Variants in ZFYVE9 observed in about 807,000 individuals in gnomAD.
ZFYVE9 encodes the protein zinc finger FYVE-type containing 9, also known as zinc finger FYVE domain-containing protein 9.
In ZFYVE9, 43 loss-of-function variants were observed where a neutral mutation model predicts 126.7. The observed-to-expected ratio is 0.34, with a 90% confidence interval of 0.27 to 0.44. The LOEUF (loss-of-function observed/expected upper bound fraction) is 0.44. Ranked by LOEUF, ZFYVE9 falls within the 20% of genes least tolerant of loss-of-function variation. The pLI, the probability that ZFYVE9 is intolerant of heterozygous loss-of-function variation, is 1.00. For synonymous variants in ZFYVE9, 521 were observed against 597.4 expected (o/e 0.87, Z 1.87); for missense variants, 1,476 against 1,697.0 (o/e 0.87, Z 2.29).
Position 52,332,804 on chromosome 1 carries a change from C to G in ZFYVE9, c.3475C>G (p.Leu1159Val). 6.2e-7 allele frequency: 1 copy of G among 1,614,102 alleles called. No homozygotes were observed. The highest frequency in any genetic ancestry group is 8.5e-7 in the Non-Finnish European group (1 of 1,180,012). ...KAMNKSNEHV[L>V]AGGACFNEKA... ...CATGAACAAGTCCAATGAGCATGTC[C>G]TGGCAGGAGGTGCCTGCTTCAATGA... is the stretch of plus-strand genomic sequence containing the variant. The change falls in exon 14 of 19, where the codon CTG becomes GTG. Residue 1159 changes from leucine to valine, a missense_variant. By Grantham distance (32) the Leu-to-Val change is conservative (BLOSUM62 1). This residue lies in a region of ZFYVE9 where 669 missense variants were observed against 902.4 expected (regional missense o/e 0.74). Coordinates refer to ENST00000287727, the MANE Select transcript of ZFYVE9 (RefSeq NM_004799.4).
In ZFYVE9 at chr1:52,346,324, AT is replaced by A; in HGVS notation, c.*105del. 4.3e-6 allele frequency: 2 copies of A among 470,178 alleles called. No homozygotes were observed. The highest frequency in any genetic ancestry group is 6.9e-6 in the Non-Finnish European group (2 of 291,100). The allele number at this position is 470,178 out of a possible 1,614,324, so 29.1% of individuals were successfully genotyped here. On this transcript the variant is annotated 3_prime_UTR_variant, in exon 19 of 19. Transcript: ENST00000287727. ...GGAAGATTAAGCTTTTGTTAACACT[AT>A]TAATGGGGTGGGGAATAGGGTGGGA...
At chr1:52,154,129 G>A (rs1644380956) in intron 1 of ZFYVE9, among the ~76,000 whole-genome samples, 1 of 152,190 alleles carries the variant, frequency 6.6e-6, no homozygotes, top group African/African-American at 2.4e-5. Flanking sequence ...TGGATTCCAT[G>A]TCTGTTGATT....
chr1:52,241,214 G>A (rs141176560), intron 4 of ZFYVE9, among the ~76,000 whole-genome samples: 1 of 152,224 alleles, frequency 6.6e-6, no homozygotes, highest in East Asian at 1.9e-4. Flanking sequence ...AAAAAAAGGA[G>A]AGGAGGAAAA....
At chr1:52,335,018 T>C (rs896630010) in intron 15 of ZFYVE9, 11 of 327,024 alleles carry the variant, frequency 3.4e-5, no homozygotes, top group Middle Eastern at 1.9e-3. Flanking sequence ...CCTGAGGGCA[T>C]GTAGTCTGAG....
chr1:52,332,889 C>G lies in ZFYVE9; in HGVS notation c.3560C>G (p.Ala1187Gly). Reference protein sequence around the residue: ...QNDDGNYQTQAISIHNQPRKV... With the variant: ...QNDDGNYQTQGISIHNQPRKV... ...GATGATGGAAACTATCAGACCCAGG[C>G]TATCAGTATTCACAATCAGCCCAGA... Residue 1187 changes from alanine to glycine, a missense_variant, in exon 14 of 19, where the codon GCT (alanine) becomes GGT (glycine). Ala to Gly is a moderately conservative substitution (Grantham distance 60). Transcript: ENST00000287727. 7 of 1,614,096 alleles carry G rather than the reference C, an allele frequency of 4.3e-6. No homozygotes were observed. Among genetic ancestry groups the G allele is most frequent in the Non-Finnish European group, 5.1e-6 (6 of 1,180,010 alleles).
chr1:52,303,117 A>T (rs1165395847), intron 12 of ZFYVE9, among the ~76,000 whole-genome samples: 1 of 152,090 alleles, frequency 6.6e-6, no homozygotes, highest in Admixed American at 6.6e-5. Flanking sequence ...CTCAGAATAA[A>T]TAAATAAACT....
chr1:52,285,286 C>CT (rs1645846934), intron 10 of ZFYVE9, among the ~76,000 whole-genome samples: 1 of 152,088 alleles, frequency 6.6e-6, no homozygotes, highest in African/African-American at 2.4e-5. Flanking sequence ...ATATATTTCA[C>CT]TATAAATTTT....
chr1:52,246,571 G>T (rs1166617022), intron 4 of ZFYVE9, among the ~76,000 whole-genome samples: 6 of 137,138 alleles, frequency 4.4e-5, no homozygotes, highest in African/African-American at 1.4e-4. Flanking sequence ...TTGGTCTGTT[G>T]CCCAGGCTGG....
At chr1:52,198,215 G>A (rs1320432386) in intron 1 of ZFYVE9, among the ~76,000 whole-genome samples, 4 of 129,124 alleles carry the variant, frequency 3.1e-5, no homozygotes, top group Admixed American at 2.0e-4. Flanking sequence ...TCTGCCTCCC[G>A]GGTTCAAGCG....
chr1:52,212,640 G>A (rs956083131), intron 1 of ZFYVE9, among the ~76,000 whole-genome samples: 4 of 152,158 alleles, frequency 2.6e-5, no homozygotes, highest in Non-Finnish European at 4.4e-5. Flanking sequence ...TCTTTGCCAT[G>A]GTAGTGTGTT....
intron 3 of ZFYVE9, among the ~76,000 whole-genome samples, chr1:52,237,246 A>G (rs1483123324): frequency 6.6e-6 from 1 of 152,074 alleles, no homozygotes; most frequent in Non-Finnish European, 1.5e-5. Flanking sequence ...CAGTTTAATT[A>G]TGTTACTAGA....
At chr1:52,337,745 C>A (rs374612467) in intron 15 of ZFYVE9, 27 bp from the exon 16 acceptor site, 2 of 1,601,278 alleles carry the variant, frequency 1.2e-6, no homozygotes, top group Non-Finnish European at 1.7e-6. Flanking sequence ...TCATTTGCCT[C>A]TCCTTTGGCT....
intron 13 of ZFYVE9, among the ~76,000 whole-genome samples, chr1:52,330,847 C>CT (rs1466294114): frequency 1.3e-5 from 2 of 152,136 alleles, no homozygotes; most frequent in Non-Finnish European, 2.9e-5. Flanking sequence ...TCAAACAACT[C>CT]TGACAGCACT....
Position 52,266,805 on chromosome 1 carries a change from G to C in ZFYVE9, c.2429G>C (p.Gly810Ala), listed in dbSNP as rs1308649687. 6.2e-7 allele frequency: 1 copy of C among 1,605,748 alleles called. No individual in the cohort carries two copies. Among genetic ancestry groups the C allele is most frequent in the South Asian group, 1.1e-5 (1 of 89,346 alleles). The change falls in exon 6 of 19, where the codon GGA (glycine) becomes GCA (alanine). Residue 810 changes from glycine (G) to alanine (A), a missense_variant. Coordinates refer to ENST00000287727, the MANE Select transcript of ZFYVE9 (RefSeq NM_004799.4). Reference sequence around the variant, plus strand: ...CCTCCCACTGTGATGGTACCTGTGGGAGTTTTAAAGCACCCTGGAGCAGAA... The same window carrying C: ...CCTCCCACTGTGATGGTACCTGTGGCAGTTTTAAAGCACCCTGGAGCAGAA... ...SPPPTVMVPV[G>A]VLKHPGAEVA...
chr1:52,156,103 G>C lies in ZFYVE9; in HGVS notation c.-143+13700G>C, dbSNP rs567985741. On this transcript the variant is annotated intron_variant, in intron 1 of 18. Coordinates refer to ENST00000287727, the MANE Select transcript of ZFYVE9 (RefSeq NM_004799.4). ...CTGCAGACTATTATGATAGAGTGGA[G>C]TTAACATAGCCCCAAAGCAAAACCA... 3.9e-5 allele frequency among the ~76,000 whole-genome samples: 6 copies of C among 152,308 alleles called. No homozygotes were observed. The East Asian group carries it at 1.2e-3, about 29-fold the overall frequency.
intron 1 of ZFYVE9, among the ~76,000 whole-genome samples, chr1:52,187,870 C>G (rs1644779078): frequency 6.6e-6 from 1 of 152,180 alleles, no homozygotes; most frequent in Admixed American, 6.5e-5. Flanking sequence ...TAAATTAGTT[C>G]AGCCATTATG....
intron 1 of ZFYVE9, among the ~76,000 whole-genome samples, chr1:52,151,594 C>T (rs1644357061): frequency 6.6e-6 from 1 of 151,502 alleles, no homozygotes; most frequent in Non-Finnish European, 1.5e-5. Context: ...CGGCTCACTG[C>T]AACCTCTGCC....
chr1:52,236,673 T>G (rs926708856), intron 3 of ZFYVE9, among the ~76,000 whole-genome samples: 4 of 152,174 alleles, frequency 2.6e-5, no homozygotes, highest in African/African-American at 4.8e-5. Flanking sequence ...GAATGTTGAT[T>G]TAATATGATA....
intron 2 of ZFYVE9, among the ~76,000 whole-genome samples, chr1:52,232,936 A>G (rs918495954): frequency 2.0e-5 from 3 of 152,010 alleles, no homozygotes; most frequent in Non-Finnish European, 4.4e-5. Context: ...CTGTTGAAGC[A>G]TGAAATGATC....
Sources: gnomAD v4.1 joint callset for allele counts (sites outside exome capture counted in the v4.1 genomes callset) on GRCh38, gnomAD v4.1.1 for gene constraint, gnomAD v4.1.1 regional missense constraint, MANE v1.5 for transcripts, NCBI Gene and HGNC (gene_info 2026-07-23, HGNC 2026-07-21) for gene names.